NEK11: variants seen among roughly 807,000 people sequenced by gnomAD.
NEK11 encodes serine/threonine-protein kinase Nek11.
Under a neutral mutation model 80.7 loss-of-function variants are expected in NEK11, and 72 were observed. The observed-to-expected ratio is 0.89, with a 90% confidence interval of 0.74 to 1.08. The LOEUF is 1.08. NEK11 is among the 50% of genes least tolerant of loss of function. The probability of loss-of-function intolerance (pLI) is 0.00; values close to 1 mark genes in which losing one functional copy is unlikely to be tolerated. For missense variants in NEK11, 764 were observed against 763.6 expected, an observed-to-expected ratio of 1.00 and a Z score of -0.01; for synonymous variants, 251 against 260.7, an observed-to-expected ratio of 0.96 and a Z score of 0.36.
chr3:131,215,668 G>C (rs1417226558), intron 14 of NEK11, among the ~76,000 whole-genome samples: 2 of 152,146 alleles, frequency 1.3e-5, no homozygotes, highest in Non-Finnish European at 2.9e-5. Flanking sequence ...TAGGGCTGGG[G>C]TGCGATGGAG....
At chr3:131,108,125 G>T (rs538242752) in intron 4 of NEK11, among the ~76,000 whole-genome samples, 1 of 152,246 alleles carries the variant, frequency 6.6e-6, no homozygotes, top group South Asian at 2.1e-4. Context: ...GGCTGCTAGT[G>T]AATGTTTGCT....
chr3:131,212,925 A>G (rs2150549734), intron 14 of NEK11, among the ~76,000 whole-genome samples: 1 of 152,320 alleles, frequency 6.6e-6, no homozygotes, highest in East Asian at 1.9e-4. Flanking sequence ...CTTTGAGTAA[A>G]GCAGATTACT....
chr3:131,297,785 T>C (rs2096612767), intron 17 of NEK11, among the ~76,000 whole-genome samples: 1 of 152,244 alleles, frequency 6.6e-6, no homozygotes, highest in African/African-American at 2.4e-5. Context: ...TCTAAGGTTT[T>C]TATGGTTTCA....
intron 5 of NEK11, among the ~76,000 whole-genome samples, chr3:131,118,908 T>C (rs1560494101): frequency 6.6e-6 from 1 of 152,194 alleles, no homozygotes; most frequent in Non-Finnish European, 1.5e-5. Flanking sequence ...TTTGTTGATC[T>C]TTTGAAAAAC....
chr3:131,329,986 T>TA (rs1270269931), intron 17 of NEK11: 2 of 152,192 alleles, frequency 1.3e-5, no homozygotes, highest in Non-Finnish European at 2.9e-5. Flanking sequence ...GAGCTGACAA[T>TA]AGACTGTAGA....
At chr3:131,148,762 T>TAA (rs35683213) in intron 7 of NEK11, among the ~76,000 whole-genome samples, 1 of 140,916 alleles carries the variant, frequency 7.1e-6, no homozygotes, top group African/African-American at 2.6e-5. Context: ...TATATATATA[T>TAA]AATATGTCAC....
In NEK11 at chr3:131,327,905, T is replaced by G. The variant is rs78897130; in HGVS notation, c.1719-21652T>G. On this transcript the variant is annotated intron_variant, in intron 17 of 17. Transcript: ENST00000383366. ...GAAAAAAATCTAAAATTACCTTATT[T>G]GTTTACTTGTTTAATATGAGGTCTG... is the stretch of plus-strand genomic sequence containing the variant. Among the ~76,000 whole-genome samples, 901 of 152,048 alleles carry G rather than the reference T, an allele frequency of 5.9e-3. 12 individuals are homozygous for G. Among genetic ancestry groups the G allele is most frequent in the African/African-American group, 0.02 (847 of 41,520 alleles).
intron 16 of NEK11, among the ~76,000 whole-genome samples, chr3:131,266,365 A>G (rs964733572): frequency 8.5e-5 from 13 of 152,172 alleles, no homozygotes; most frequent in African/African-American, 2.9e-4. Flanking sequence ...ATTTCCCTCT[A>G]AACACTGCTT....
chr3:131,227,854 G>C (rs1163085505), intron 14 of NEK11, among the ~76,000 whole-genome samples: 5 of 152,102 alleles, frequency 3.3e-5, no homozygotes, highest in Admixed American at 3.3e-4. Context: ...TACTAACAAT[G>C]TTGCATCAAG....
At chr3:131,069,420 G>A (rs1287854205) in intron 3 of NEK11, among the ~76,000 whole-genome samples, 1 of 152,098 alleles carries the variant, frequency 6.6e-6, no homozygotes, top group African/African-American at 2.4e-5. Flanking sequence ...TCAGTGTGGC[G>A]ATTCCTCAGG....
chr3:131,221,475 C>A (rs78624084), intron 14 of NEK11, among the ~76,000 whole-genome samples: 9,790 of 152,088 alleles, frequency 0.064, 1,027 homozygotes, highest in African/African-American at 0.22. Flanking sequence ...ATTCTGGGGA[C>A]CACCCTTTAA....
At chr3:131,330,052 G>T (rs966456081) in intron 17 of NEK11, 5 of 152,210 alleles carry the variant, frequency 3.3e-5, no homozygotes, top group African/African-American at 4.8e-5. Flanking sequence ...AATCAGGTGG[G>T]AGACAGAGTA....
chr3:131,062,760 A>G (rs922988547), intron 3 of NEK11, among the ~76,000 whole-genome samples: 2 of 152,240 alleles, frequency 1.3e-5, no homozygotes, highest in African/African-American at 4.8e-5. Flanking sequence ...TCGTGGTGCT[A>G]GTAGAGATGT....
At position 131,349,969 on chromosome 3, in the gene NEK11, G is replaced by A. The variant is rs916925325; in HGVS notation, c.*193G>A. 8.5e-6 allele frequency: 5 copies of A among 587,394 alleles called. No individual in the cohort carries two copies. Among genetic ancestry groups the A allele is most frequent in the African/African-American group, 3.7e-5 (2 of 53,590 alleles). 36.4% of individuals were successfully genotyped at this position (587,394 alleles called of 1,614,324 possible). A position where few individuals can be genotyped will look rare whatever the true frequency, so the allele number is the denominator to read the frequency against. On this transcript the variant is annotated 3_prime_UTR_variant, in exon 18 of 18. Coordinates refer to ENST00000383366, the MANE Select transcript of NEK11 (RefSeq NM_024800.5). ...GCTGCCTATGCTTGGAGTCATAAGT[G>A]TTATTTGGACTATACCCTGAGATAA...
Position 131,159,008 on chromosome 3 carries a change from C to T in NEK11, c.963-3400C>T, listed in dbSNP as rs375930000. ...AGTCTCCCAGAGTTAGAGCACACAG[C>T]CCAGGAGCTGGGAGCTGAGCACTGG... On this transcript the variant is annotated intron_variant, in intron 10 of 17. Transcript: ENST00000383366. Among the ~76,000 whole-genome samples, 12 of 152,200 alleles carry T rather than the reference C, an allele frequency of 7.9e-5. 1 individual carries two copies. The East Asian group carries it at 1.2e-3, about 15-fold the overall frequency.
At chr3:131,348,440 T>G (rs1050525618) in intron 17 of NEK11, among the ~76,000 whole-genome samples, 1 of 151,936 alleles carries the variant, frequency 6.6e-6, no homozygotes, top group Non-Finnish European at 1.5e-5. Flanking sequence ...AGGAGCCTGG[T>G]ATAAGATGAT....
At chr3:131,231,540 A>G (rs1171040759) in intron 15 of NEK11, among the ~76,000 whole-genome samples, 1 of 151,238 alleles carries the variant, frequency 6.6e-6, no homozygotes, top group Non-Finnish European at 1.5e-5. Context: ...AGCAAAAAAT[A>G]GAGTAATTTG....
At chr3:131,177,646 T>C (rs933472616) in intron 14 of NEK11, among the ~76,000 whole-genome samples, 1 of 152,172 alleles carries the variant, frequency 6.6e-6, no homozygotes, top group Non-Finnish European at 1.5e-5. Context: ...TTAGAACATA[T>C]CCTATGCTGC....
At chr3:131,234,073 G>A (rs188649516) in intron 15 of NEK11, among the ~76,000 whole-genome samples, 5 of 152,236 alleles carry the variant, frequency 3.3e-5, no homozygotes, top group Non-Finnish European at 5.9e-5. Context: ...TTAGGTGCAA[G>A]GGAATAGCTG....
Sources: allele counts gnomAD v4.1 joint callset (sites outside exome capture counted in the v4.1 genomes callset), GRCh38; gene constraint gnomAD v4.1.1; transcripts MANE v1.5; gene names NCBI Gene and HGNC (gene_info 2026-07-23, HGNC 2026-07-21).